DSCAM: variants seen among roughly 807,000 people sequenced by gnomAD.
DSCAM encodes cell adhesion molecule DSCAM.
A neutral mutation model predicts 217.7 loss-of-function variants in DSCAM; 47 were observed. That is an observed-to-expected ratio of 0.22 (90% CI 0.17 to 0.28). The LOEUF (loss-of-function observed/expected upper bound fraction) is 0.28, where lower values mean the gene tolerates loss of function less well. Ranked by LOEUF, DSCAM falls within the 10% of genes least tolerant of loss-of-function variation. The pLI is 1.00. For synonymous variants in DSCAM, 1,056 were observed against 1,015.3 expected (o/e 1.04, Z -0.76); for missense variants, 2,080 against 2,618.3 (o/e 0.79, Z 4.49).
intron 10 of DSCAM, among the ~76,000 whole-genome samples, chr21:40,288,503 G>T (rs980569003): frequency 1.3e-5 from 2 of 152,144 alleles, no homozygotes; most frequent in African/African-American, 4.8e-5. Flanking sequence ...GTCACAAGGG[G>T]AGTATTGTCA....
At chr21:40,563,591 T>TTATACATTA (rs1555858170) in intron 3 of DSCAM, among the ~76,000 whole-genome samples, 1 of 116,970 alleles carries the variant, frequency 8.5e-6, no homozygotes. Context: ...GTTTATATGT[T>TTATACATTA]TATATGTTAT....
chr21:40,327,107 G>A (rs2074326152), intron 8 of DSCAM, among the ~76,000 whole-genome samples: 1 of 152,004 alleles, frequency 6.6e-6, no homozygotes, highest in Non-Finnish European at 1.5e-5. Context: ...ATAATTGAGA[G>A]TTGTTATTTC....
At chr21:40,504,162 A>AGAGAAGAGGAAAGAAGAG (rs1404630523) in intron 3 of DSCAM, among the ~76,000 whole-genome samples, 7 of 152,350 alleles carry the variant, frequency 4.6e-5, no homozygotes, top group South Asian at 4.1e-4. Context: ...AGGAAAGAGA[A>AGAGAAGAGGAAAGAAGAG]GAGAAGAGGA....
chr21:40,347,047 TCCCAGCA>T (rs1288276718), intron 6 of DSCAM, among the ~76,000 whole-genome samples: 1 of 152,108 alleles, frequency 6.6e-6, no homozygotes, highest in Non-Finnish European at 1.5e-5. Context: ...ATGCCTGTAA[TCCCAGCA>T]CTTTGGGGGG....
chr21:40,423,015 C>T (rs545621802), intron 3 of DSCAM, among the ~76,000 whole-genome samples: 1 of 152,250 alleles, frequency 6.6e-6, no homozygotes, highest in Non-Finnish European at 1.5e-5. Flanking sequence ...GTAATAAGTA[C>T]CATTTGTCAC....
chr21:40,441,636 T>C (rs757053785), intron 3 of DSCAM, among the ~76,000 whole-genome samples: 5 of 152,226 alleles, frequency 3.3e-5, no homozygotes, highest in Non-Finnish European at 5.9e-5. Flanking sequence ...GTTCCAAACA[T>C]AGATCATTTC....
At chr21:40,378,016 T>C (rs1355404500) in intron 3 of DSCAM, among the ~76,000 whole-genome samples, 1 of 152,182 alleles carries the variant, frequency 6.6e-6, no homozygotes, top group Non-Finnish European at 1.5e-5. Context: ...TGATAAAATA[T>C]TCTTGCTGAA....
At chr21:40,782,753 AT>A (rs1341658443) in intron 1 of DSCAM, among the ~76,000 whole-genome samples, 2 of 150,004 alleles carry the variant, frequency 1.3e-5, no homozygotes, top group African/African-American at 5.1e-5. Context: ...TATAAAATAA[AT>A]AAAAAAAAAT....
At chr21:40,161,978 C>T (rs1888497) in intron 16 of DSCAM, among the ~76,000 whole-genome samples, 15,668 of 152,102 alleles carry the variant, frequency 0.1, 992 homozygotes, top group Non-Finnish European at 0.13. Flanking sequence ...AAGGATACTA[C>T]GTAAGAATGT....
intron 3 of DSCAM, among the ~76,000 whole-genome samples, chr21:40,529,871 T>C (rs528758946): frequency 3.3e-5 from 5 of 152,292 alleles, no homozygotes; most frequent in African/African-American, 1.2e-4. Flanking sequence ...AACCTTTATT[T>C]ACTTAGAAAG....
chr21:40,450,139 T>C (rs1434220182), intron 3 of DSCAM, among the ~76,000 whole-genome samples: 1 of 152,170 alleles, frequency 6.6e-6, no homozygotes, highest in Non-Finnish European at 1.5e-5. Flanking sequence ...GTTACTCTGG[T>C]ACTCATTTAA....
chr21:40,133,389 A>G (rs970062893), intron 19 of DSCAM, among the ~76,000 whole-genome samples: 7 of 152,212 alleles, frequency 4.6e-5, no homozygotes, highest in Non-Finnish European at 1.0e-4. Context: ...GAAGTTCTCA[A>G]ATTAAGGACT....
At chr21:40,775,729 C>T (rs896190769) in intron 1 of DSCAM, among the ~76,000 whole-genome samples, 4 of 152,130 alleles carry the variant, frequency 2.6e-5, no homozygotes, top group Admixed American at 6.5e-5. Flanking sequence ...GACACATCGT[C>T]GGCATCCCTG....
intron 3 of DSCAM, among the ~76,000 whole-genome samples, chr21:40,621,682 G>A (rs1176318817): frequency 6.6e-6 from 1 of 151,810 alleles, no homozygotes; most frequent in Admixed American, 6.6e-5. Flanking sequence ...CCTCTCTTAG[G>A]GAGCCACCCA....
At chr21:40,718,597 G>A (rs562982340) in intron 1 of DSCAM, among the ~76,000 whole-genome samples, 2 of 152,186 alleles carry the variant, frequency 1.3e-5, no homozygotes, top group African/African-American at 2.4e-5. Context: ...CTGCCCCCAC[G>A]ATTCAATTAC....
chr21:40,736,392 A>G (rs924475388), intron 1 of DSCAM, among the ~76,000 whole-genome samples: 3 of 151,944 alleles, frequency 2.0e-5, no homozygotes, highest in African/African-American at 7.3e-5. Context: ...GGGTAAGCTC[A>G]TGGGGGCCGT....
intron 32 of DSCAM, among the ~76,000 whole-genome samples, chr21:40,015,081 C>T (rs375648937): frequency 7.9e-5 from 12 of 152,304 alleles, no homozygotes; most frequent in African/African-American, 2.6e-4. Context: ...GCTCTCAGGC[C>T]TCTCTCGGAA....
intron 1 of DSCAM, among the ~76,000 whole-genome samples, chr21:40,752,238 T>C (rs1378860389): frequency 6.6e-6 from 1 of 152,122 alleles, no homozygotes; most frequent in Non-Finnish European, 1.5e-5. Flanking sequence ...CAAGAATGGG[T>C]GCTTCCTTTC....
At chr21:40,340,678 T>C (rs2074481861) in intron 6 of DSCAM, among the ~76,000 whole-genome samples, 1 of 152,204 alleles carries the variant, frequency 6.6e-6, no homozygotes, top group African/African-American at 2.4e-5. Flanking sequence ...TAATGAAAGA[T>C]AAGAATGAGT....
Sources: gnomAD v4.1 joint callset for allele counts (sites outside exome capture counted in the v4.1 genomes callset) on GRCh38, gnomAD v4.1.1 for gene constraint, MANE v1.5 for transcripts, NCBI Gene and HGNC (gene_info 2026-07-23, HGNC 2026-07-21) for gene names.